Variants in KLHDC7A observed in about 807,000 individuals in gnomAD.
KLHDC7A encodes kelch domain containing 7A.
For synonymous variants in KLHDC7A, 464 were observed against 461.0 expected (o/e 1.01, Z -0.08); for missense variants, 1,123 against 1,052.6 (o/e 1.07, Z -0.93).
At position 18,482,690 on chromosome 1, in the gene KLHDC7A, G is replaced by A. The variant is rs1181160036; in HGVS notation, c.1709G>A (p.Ser570Asn). Residue 570 changes from serine (S) to asparagine (N), a missense_variant, in exon 1 of 1, where the codon AGC (serine) becomes AAC (asparagine). Coordinates refer to ENST00000400664, the MANE Select transcript of KLHDC7A (RefSeq NM_152375.3). The stretch of plus-strand genomic sequence containing the variant: ...TACAACCCGCTCACGGGGATCTGGA[G>A]CGAGGTGTGCCCGCTGAACCAGGCC... ...FCYNPLTGIWSEVCPLNQARP... is the reference protein window; with the variant it reads ...FCYNPLTGIWNEVCPLNQARP... 1.9e-6 allele frequency: 3 copies of A among 1,609,484 alleles called. No individual in the cohort carries two copies. Among genetic ancestry groups the A allele is most frequent in the African/African-American group, 2.7e-5 (2 of 74,920 alleles).
Position 18,482,685 on chromosome 1 carries a change from C to G in KLHDC7A, c.1704C>G (p.Ile568Met). The change falls in exon 1 of 1, where the codon ATC (isoleucine) becomes ATG (methionine). Residue 568 changes from isoleucine to methionine, a missense_variant. By Grantham distance (10) the Ile-to-Met change is conservative. Coordinates refer to ENST00000400664, the MANE Select transcript of KLHDC7A (RefSeq NM_152375.3). ...RVFCYNPLTG[I>M]WSEVCPLNQA... The stretch of plus-strand genomic sequence containing the variant: ...TCTGCTACAACCCGCTCACGGGGAT[C>G]TGGAGCGAGGTGTGCCCGCTGAACC... The G allele has an allele frequency of 6.2e-7, 1 of 1,609,536 alleles. No individual in the cohort carries two copies. The highest frequency in any genetic ancestry group is 8.5e-7 in the Non-Finnish European group (1 of 1,179,388).
rs139861799 is a variant in KLHDC7A, at chr1:18,483,227, A to T, written c.2246A>T (p.Glu749Val). ...DSVSPRFVPKELRSFPAPQGT... is the reference protein window; with the variant it reads ...DSVSPRFVPKVLRSFPAPQGT... ...GTCTCACCCAGGTTTGTGCCCAAGG[A>T]GCTGCGGAGTTTCCCGGCCCCGCAG... The change falls in exon 1 of 1, where the codon GAG becomes GTG. Residue 749 changes from glutamate (E) to valine (V), a missense_variant. By Grantham distance (121) the Glu-to-Val change is moderately radical. Coordinates refer to ENST00000400664, the MANE Select transcript of KLHDC7A (RefSeq NM_152375.3). The T allele has an allele frequency of 2.4e-4, 393 of 1,613,840 alleles. 1 individual carries two copies. Among genetic ancestry groups the T allele is most frequent in the Non-Finnish European group, 3.1e-4 (369 of 1,180,006 alleles).
In KLHDC7A at chr1:18,482,137, G is replaced by A. The variant is rs776362096; in HGVS notation, c.1156G>A (p.Ala386Thr). Residue 386 changes from alanine (A) to threonine (T), a missense_variant, in exon 1 of 1, where the codon GCT (alanine) becomes ACT (threonine). By Grantham distance (58) the Ala-to-Thr change is moderately conservative (BLOSUM62 0). Coordinates refer to ENST00000400664, the MANE Select transcript of KLHDC7A (RefSeq NM_152375.3). ...GCAGCCAGATGGCTTCCGGCTCCCCGCTCCACCCTGCCCAGACCCGGGCGC... is the reference window on the plus strand; with the variant it reads ...GCAGCCAGATGGCTTCCGGCTCCCCACTCCACCCTGCCCAGACCCGGGCGC... The part of the protein sequence containing the change: ...QLQPDGFRLP[A>T]PPCPDPGALP... The A allele has an allele frequency of 4.3e-6, 7 of 1,611,374 alleles. No homozygotes were observed. In the African/African-American group the frequency reaches 9.3e-5, roughly 22 times the overall value.
Position 18,483,945 on chromosome 1 carries a change from CG to C in KLHDC7A, c.*631del. On this transcript the variant is annotated 3_prime_UTR_variant, in exon 1 of 1. Coordinates refer to ENST00000400664, the MANE Select transcript of KLHDC7A (RefSeq NM_152375.3). The stretch of plus-strand genomic sequence containing the variant: ...GGCCAGCCTAGGAGACTCTTGCTTG[CG>C]AGAAAATATACCAAAGCCCACATTA... 2.3e-6 allele frequency: 3 copies of C among 1,304,126 alleles called. No individual in the cohort carries two copies. Among genetic ancestry groups the C allele is most frequent in the Non-Finnish European group, 3.0e-6 (3 of 988,890 alleles). 80.8% of individuals were successfully genotyped at this position (1,304,126 alleles called of 1,614,324 possible).
Position 18,483,267 on chromosome 1 carries a change from C to T in KLHDC7A, c.2286C>T (p.Pro762=). Residue 762 remains proline (P), a synonymous_variant, in exon 1 of 1, where the codon CCC becomes CCT. Transcript: ENST00000400664. Reference sequence around the variant, plus strand: ...CGGCCCCGCAGGGCACCCTCCTGCCCACCGTCCTGACCTTGCCCACCCCCG... The same window carrying T: ...CGGCCCCGCAGGGCACCCTCCTGCCTACCGTCCTGACCTTGCCCACCCCCG... ...SFPAPQGTLL[P]TVLTLPTPDL... is the part of the protein sequence containing the mutation. 3 of 1,613,784 alleles carry T rather than the reference C, an allele frequency of 1.9e-6. No individual in the cohort carries two copies. The highest frequency in any genetic ancestry group is 2.5e-6 in the Non-Finnish European group (3 of 1,180,006).
chr1:18,482,085 G>A lies in KLHDC7A; in HGVS notation c.1104G>A (p.Gln368=), dbSNP rs377597397. The A allele has an allele frequency of 6.2e-7, 1 of 1,612,570 alleles. No individual in the cohort carries two copies. The highest frequency in any genetic ancestry group is 1.3e-5 in the African/African-American group (1 of 74,950). The part of the protein sequence containing the change: ...RGFSRKESLL[Q]IAENPELQLQ... The stretch of plus-strand genomic sequence containing the variant: ...TCAGCCGGAAGGAGAGCCTTCTGCA[G>A]ATAGCGGAGAACCCAGAGCTGCAGC... The change falls in exon 1 of 1, where the codon CAG becomes CAA. Residue 368 remains glutamine (Q), a synonymous_variant. Transcript: ENST00000400664.
In KLHDC7A at chr1:18,481,437, C is replaced by T. The variant is rs1218216652; in HGVS notation, c.456C>T (p.Asn152=). 1.2e-6 allele frequency: 2 copies of T among 1,613,746 alleles called. No homozygotes were observed. The highest frequency in any genetic ancestry group is 1.7e-6 in the Non-Finnish European group (2 of 1,180,032). The change falls in exon 1 of 1, where the codon AAC becomes AAT. Residue 152 remains asparagine (N), a synonymous_variant. Coordinates refer to ENST00000400664, the MANE Select transcript of KLHDC7A (RefSeq NM_152375.3). The stretch of plus-strand genomic sequence containing the variant: ...AAACCAGAACAGCTGTTGGCAGTAA[C>T]CCTGACCCTCCCCATTTCCCCCGCT... The part of the protein sequence containing the change: ...SQETRTAVGS[N]PDPPHFPRLG...
In KLHDC7A at chr1:18,481,084, T is replaced by C. The variant is rs751058177; in HGVS notation, c.103T>C (p.Tyr35His). The C allele has an allele frequency of 4.3e-6, 7 of 1,613,862 alleles. No homozygotes were observed. The highest frequency in any genetic ancestry group is 5.9e-6 in the Non-Finnish European group (7 of 1,179,960). The change falls in exon 1 of 1, where the codon TAC becomes CAC. Residue 35 changes from tyrosine (Y) to histidine (H), a missense_variant. Coordinates refer to ENST00000400664, the MANE Select transcript of KLHDC7A (RefSeq NM_152375.3). ...AAALLLVTVA[Y>H]RLYKSRPAPA... ...TGCCCTGCTCCTGGTGACTGTGGCC[T>C]ACAGGCTGTACAAGTCGAGGCCTGC... is the stretch of plus-strand genomic sequence containing the variant.
rs2086904870 is a variant in KLHDC7A, at chr1:18,482,684, T to A, written c.1703T>A (p.Ile568Asn). 6.2e-7 allele frequency: 1 copy of A among 1,609,520 alleles called. No homozygotes were observed. The highest frequency in any genetic ancestry group is 1.3e-5 in the African/African-American group (1 of 75,030). Residue 568 changes from isoleucine (I) to asparagine (N), a missense_variant, in exon 1 of 1, where the codon ATC becomes AAC. Coordinates refer to ENST00000400664, the MANE Select transcript of KLHDC7A (RefSeq NM_152375.3). ...TTCTGCTACAACCCGCTCACGGGGA[T>A]CTGGAGCGAGGTGTGCCCGCTGAAC... ...RVFCYNPLTG[I>N]WSEVCPLNQA...
In KLHDC7A at chr1:18,480,966, G is replaced by A. The variant is rs751256578; in HGVS notation, c.-16G>A. On this transcript the variant is annotated 5_prime_UTR_variant, in exon 1 of 1. Coordinates refer to ENST00000400664, the MANE Select transcript of KLHDC7A (RefSeq NM_152375.3). ...AGATTCTTGACATTCCTCAGCCCCAGGTTGGCTGGAGAAGCATGTTCCCCA... is the reference window on the plus strand; with the variant it reads ...AGATTCTTGACATTCCTCAGCCCCAAGTTGGCTGGAGAAGCATGTTCCCCA... 1.3e-6 allele frequency: 2 copies of A among 1,558,522 alleles called. No individual in the cohort carries two copies. Among genetic ancestry groups the A allele is most frequent in the Admixed American group, 1.8e-5 (1 of 54,500 alleles).
Position 18,483,226 on chromosome 1 carries a change from G to A in KLHDC7A, c.2245G>A (p.Glu749Lys), listed in dbSNP as rs141213766. 2.5e-4 allele frequency: 401 copies of A among 1,613,914 alleles called. 1 individual carries two copies. The highest frequency in any genetic ancestry group is 3.2e-4 in the Non-Finnish European group (377 of 1,180,042). Reference protein sequence around the residue: ...DSVSPRFVPKELRSFPAPQGT... With the variant: ...DSVSPRFVPKKLRSFPAPQGT... ...TGTCTCACCCAGGTTTGTGCCCAAGGAGCTGCGGAGTTTCCCGGCCCCGCA... is the reference window on the plus strand; with the variant it reads ...TGTCTCACCCAGGTTTGTGCCCAAGAAGCTGCGGAGTTTCCCGGCCCCGCA... The change falls in exon 1 of 1, where the codon GAG (glutamate) becomes AAG (lysine). Residue 749 changes from glutamate (E) to lysine (K), a missense_variant. Transcript: ENST00000400664.
At position 18,483,794 on chromosome 1, in the gene KLHDC7A, A is replaced by C; in HGVS notation, c.*479A>C. The C allele has an allele frequency of 1.6e-6, 2 of 1,213,158 alleles. No individual in the cohort carries two copies. Among genetic ancestry groups the C allele is most frequent in the South Asian group, 3.1e-5 (2 of 63,726 alleles). The allele number at this position is 1,213,158 out of a possible 1,614,324, so 75.1% of individuals were successfully genotyped here. ...CCCCACCTCCACAGTTCCCAGAAGC[A>C]CCGGGACACACAGGTGGGAAAGATG... On this transcript the variant is annotated 3_prime_UTR_variant, in exon 1 of 1. Transcript: ENST00000400664.
Position 18,482,504 on chromosome 1 carries a change from T to C in KLHDC7A, c.1523T>C (p.Leu508Pro). ...DVCPKEDSGG[L>P]CCYDDEQDVW... ...TGCCCCAAGGAAGACTCCGGCGGCC[T>C]CTGTTGCTATGACGATGAGCAGGAT... Residue 508 changes from leucine to proline, a missense_variant, in exon 1 of 1, where the codon CTC (leucine) becomes CCC (proline). By Grantham distance (98) the Leu-to-Pro change is moderately conservative. Transcript: ENST00000400664. 6.2e-7 allele frequency: 1 copy of C among 1,611,944 alleles called. No homozygotes were observed. The highest frequency in any genetic ancestry group is 1.3e-5 in the African/African-American group (1 of 75,060).
In KLHDC7A at chr1:18,482,247, TG is replaced by T. The variant is rs751837273; in HGVS notation, c.1267del (p.Ala423LeufsTer17). The stretch of plus-strand genomic sequence containing the variant: ...ATTTCTTCCATATCCCGCTCACCCC[TG>T]CTTCAGCCCCACAGGTCCGCCTGGA... Reference protein sequence around the residue: ...TNFFHIPLTPASAPQVRLDLG... With the variant: ...TNFFHIPLTPXSAPQVRLDLG... On this transcript the variant is annotated frameshift_variant, in exon 1 of 1. Transcript: ENST00000400664. LOFTEE classifies it low-confidence loss of function (END_TRUNC). 1 of 1,606,514 alleles carries T rather than the reference TG, an allele frequency of 6.2e-7. No homozygotes were observed. The highest frequency in any genetic ancestry group is 1.1e-5 in the South Asian group (1 of 91,086).
rs1159705706 is a variant in KLHDC7A at position 18,482,898 on chromosome 1, C to A, written c.1917C>A (p.Thr639=). The change falls in exon 1 of 1, where the codon ACC becomes ACA. Residue 639 remains threonine (T), a synonymous_variant. Transcript: ENST00000400664. Reference sequence around the variant, plus strand: ...TGCGTGCCAAGGAAATCTTCGTCACCGGCGGCTCGCTGCGCTTCCTGCTGT... The same window carrying A: ...TGCGTGCCAAGGAAATCTTCGTCACAGGCGGCTCGCTGCGCTTCCTGCTGT... ...ATVRAKEIFV[T]GGSLRFLLFR... 1.2e-6 allele frequency: 2 copies of A among 1,610,030 alleles called. No individual in the cohort carries two copies. Among genetic ancestry groups the A allele is most frequent in the East Asian group, 4.5e-5 (2 of 44,774 alleles).
chr1:18,483,376 T>C lies in KLHDC7A; in HGVS notation c.*61T>C. On this transcript the variant is annotated 3_prime_UTR_variant, in exon 1 of 1. Transcript: ENST00000400664. ...GGCCACCGGGCTCCACTGCCAGCCG[T>C]CCCTCTGGGGGCCATTTCTAGGCAA... 1 of 1,567,862 alleles carries C rather than the reference T, an allele frequency of 6.4e-7. No individual in the cohort carries two copies. Among genetic ancestry groups the C allele is most frequent in the Non-Finnish European group, 8.7e-7 (1 of 1,155,308 alleles).
chr1:18,483,518 C>G lies in KLHDC7A; in HGVS notation c.*203C>G. The stretch of plus-strand genomic sequence containing the variant: ...CCCTTCATGGGCTGCAGAGGCCCCA[C>G]TGCAGAAAAGAGGACCAGGAGCTGG... On this transcript the variant is annotated 3_prime_UTR_variant, in exon 1 of 1. Transcript: ENST00000400664. The G allele has an allele frequency of 7.0e-7, 1 of 1,437,306 alleles. No homozygotes were observed. The highest frequency in any genetic ancestry group is 9.2e-7 in the Non-Finnish European group (1 of 1,092,798). The allele number at this position is 1,437,306 out of a possible 1,614,324, so 89.0% of individuals were successfully genotyped here. A position where few individuals can be genotyped will look rare whatever the true frequency, so the allele number is the denominator to read the frequency against.
In KLHDC7A at chr1:18,484,012, C is replaced by T; in HGVS notation, c.*697C>T. On this transcript the variant is annotated 3_prime_UTR_variant, in exon 1 of 1. Coordinates refer to ENST00000400664, the MANE Select transcript of KLHDC7A (RefSeq NM_152375.3). ...GAAGAAAGAGAAGCAGCCATTGTACCAAGCTATCTTCTGGTGGAGGTCTGC... is the reference window on the plus strand; with the variant it reads ...GAAGAAAGAGAAGCAGCCATTGTACTAAGCTATCTTCTGGTGGAGGTCTGC... 7.7e-7 allele frequency: 1 copy of T among 1,304,260 alleles called. No individual in the cohort carries two copies. The highest frequency in any genetic ancestry group is 2.3e-5 in the Admixed American group (1 of 43,570). 80.8% of individuals were successfully genotyped at this position (1,304,260 alleles called of 1,614,324 possible).
In KLHDC7A at chr1:18,481,347, A is replaced by G. The variant is rs2086887385; in HGVS notation, c.366A>G (p.Ser122=). 2 of 1,600,500 alleles carry G rather than the reference A, an allele frequency of 1.2e-6. No individual in the cohort carries two copies. Among genetic ancestry groups the G allele is most frequent in the African/African-American group, 2.7e-5 (2 of 74,628 alleles). ...STDRKPQRKG[S]GEERGGQGSD... ...ACAGGAAGCCCCAGAGAAAAGGCTC[A>G]GGTGAGGAGCGGGGCGGGCAGGGCT... is the stretch of plus-strand genomic sequence containing the variant. Residue 122 remains serine (S), a synonymous_variant, in exon 1 of 1, where the codon TCA becomes TCG. Transcript: ENST00000400664.
Sources: gnomAD v4.1 joint callset for allele counts on GRCh38, gnomAD v4.1.1 for gene constraint, MANE v1.5 for transcripts, NCBI Gene and HGNC (gene_info 2026-07-23, HGNC 2026-07-21) for gene names.